Variants in FA2H observed in about 807,000 individuals in gnomAD.
FA2H encodes fatty acid alpha-hydroxylase.
Under a neutral mutation model 44.9 loss-of-function variants are expected in FA2H, and 22 were observed. The observed-to-expected ratio is 0.49, with a 90% CI of 0.35 to 0.70. FA2H has a LOEUF of 0.70. Ranked by LOEUF, FA2H falls within the 30% of genes least tolerant of loss-of-function variation. FA2H has a pLI of 0.01. For synonymous variants in FA2H, 243 were observed against 213.2 expected (o/e 1.14, Z -1.22); for missense variants, 501 against 504.9 (o/e 0.99, Z 0.07).
At chr16:74,741,925 G>A (rs1027507861) in intron 1 of FA2H, among the ~76,000 whole-genome samples, 2 of 148,754 alleles carry the variant, frequency 1.3e-5, no homozygotes, top group Non-Finnish European at 3.0e-5. Context: ...AGATTTTATA[G>A]CACATCATAC....
intron 2 of FA2H, among the ~76,000 whole-genome samples, chr16:74,739,400 C>A (rs1342051580): frequency 6.6e-6 from 1 of 152,152 alleles, no homozygotes; most frequent in Admixed American, 6.5e-5. Flanking sequence ...GCTGCTTCTC[C>A]CCTGCCGCTG....
At chr16:74,732,997 G>A (rs768027419) in intron 2 of FA2H, among the ~76,000 whole-genome samples, 19 of 152,176 alleles carry the variant, frequency 1.2e-4, no homozygotes, top group Non-Finnish European at 1.9e-4. Flanking sequence ...GGGTAGACCC[G>A]CAAGCACTGC....
rs1180561326 is a variant in FA2H at position 74,713,120 on chromosome 16, T to C, written c.*1070A>G. On this transcript the variant is annotated 3_prime_UTR_variant, in exon 7 of 7. Coordinates refer to ENST00000219368, the MANE Select transcript of FA2H (RefSeq NM_024306.5). ...ACTGCTTCTCTTTAGCCTTTACACT[T>C]GGCGAGTTTTTTAAGTTTCAAGTAG... 6.6e-6 allele frequency: 1 copy of C among 152,640 alleles called. No individual in the cohort carries two copies. The highest frequency in any genetic ancestry group is 6.5e-5 in the Admixed American group (1 of 15,274). The allele number at this position is 152,640 out of a possible 1,614,324, so 9.5% of individuals were successfully genotyped here.
At chr16:74,716,997 G>A (rs1961721020) in intron 5 of FA2H, 1 of 217,804 alleles carries the variant, frequency 4.6e-6, no homozygotes. Flanking sequence ...CTGGAGACAG[G>A]GCACCTAGAC....
intron 4 of FA2H, among the ~76,000 whole-genome samples, chr16:74,723,354 C>T (rs1567635653): frequency 6.6e-6 from 1 of 152,162 alleles, no homozygotes; most frequent in Non-Finnish European, 1.5e-5. Flanking sequence ...CCCCAGGGTC[C>T]AAACCTGGAC....
At chr16:74,738,015 A>T (rs1962215459) in intron 2 of FA2H, among the ~76,000 whole-genome samples, 1 of 152,196 alleles carries the variant, frequency 6.6e-6, no homozygotes, top group Non-Finnish European at 1.5e-5. Flanking sequence ...AAAAGAAAAA[A>T]GCAGAAAAGC....
Position 74,743,515 on chromosome 16 carries a change from T to A in FA2H, c.271-3400A>T, listed in dbSNP as rs537142826. On this transcript the variant is annotated intron_variant, in intron 1 of 6. Transcript: ENST00000219368. ...GTGGGTCATGCCTCGAGCGGCTCCA[T>A]CCCCCGCACAGAGGGGCCAGGGATT... Among the ~76,000 whole-genome samples the A allele has an allele frequency of 3.3e-5, 5 of 152,194 alleles. No individual in the cohort carries two copies. In the South Asian group the frequency reaches 1.0e-3, roughly 32 times the overall value.
intron 1 of FA2H, among the ~76,000 whole-genome samples, chr16:74,741,563 C>A (rs1043206852): frequency 6.6e-6 from 1 of 151,880 alleles, no homozygotes; most frequent in Non-Finnish European, 1.5e-5. Context: ...TGGGCCTAGG[C>A]CATCCTCCCA....
rs1171991918 is a variant in FA2H, at chr16:74,719,116, T to C, written c.658A>G (p.Met220Val). 1.9e-6 allele frequency: 3 copies of C among 1,613,892 alleles called. No individual in the cohort carries two copies. Among genetic ancestry groups the C allele is most frequent in the Non-Finnish European group, 2.5e-6 (3 of 1,180,020 alleles). ...AGGCTCCAGAGGAATGTCCCCAGCA[T>C]GAAGAGCCCGGGGAACATGGACTTG... ...VPKSMFPGLF[M>V]LGTFLWSLIE... The change falls in exon 5 of 7, where the codon ATG becomes GTG. Residue 220 changes from methionine to valine, a missense_variant. By Grantham distance (21) the Met-to-Val change is conservative (BLOSUM62 1). Coordinates refer to ENST00000219368, the MANE Select transcript of FA2H (RefSeq NM_024306.5).
At chr16:74,760,648 G>C (rs1252714313) in intron 1 of FA2H, among the ~76,000 whole-genome samples, 1 of 152,186 alleles carries the variant, frequency 6.6e-6, no homozygotes, top group African/African-American at 2.4e-5. Context: ...CGTCATCCTA[G>C]AAGACAAGTT....
chr16:74,719,483 G>A (rs1017293038), intron 4 of FA2H, among the ~76,000 whole-genome samples: 1 of 152,114 alleles, frequency 6.6e-6, no homozygotes, highest in African/African-American at 2.4e-5. Flanking sequence ...AAGGACATTG[G>A]AGAAGAGAAG....
intron 6 of FA2H, 138 bp downstream of exon 6, chr16:74,716,209 G>T: frequency 1.1e-6 from 1 of 902,218 alleles, no homozygotes; most frequent in Non-Finnish European, 1.7e-6. Context: ...GTCTGCACCA[G>T]GGAAGAGAGT....
At chr16:74,720,180 C>CTTTTTGTTTTTTTTT (rs1961802631) in intron 4 of FA2H, among the ~76,000 whole-genome samples, 1 of 47,198 alleles carries the variant, frequency 2.1e-5, no homozygotes, top group Non-Finnish European at 3.7e-5. Flanking sequence ...CATCCTCATC[C>CTTTTTGTTTTTTTTT]TTTTTTTTTT....
At chr16:74,769,721 G>T (rs561048681) in intron 1 of FA2H, among the ~76,000 whole-genome samples, 3 of 152,252 alleles carry the variant, frequency 2.0e-5, no homozygotes, top group African/African-American at 7.2e-5. Context: ...AATGCCGGTC[G>T]CAGCTCAATA....
chr16:74,720,201 TTTTTTTTTTTG>T, intron 4 of FA2H, among the ~76,000 whole-genome samples: 1 of 132,386 alleles, frequency 7.6e-6, no homozygotes, highest in South Asian at 2.7e-4. Flanking sequence ...TTTTTTTTTT[TTTTTTTTTTTG>T]TGAGATAGAG....
At position 74,715,815 on chromosome 16, in the gene FA2H, C is replaced by CT. The variant is rs536329308; in HGVS notation, c.1039+531dup. On this transcript the variant is annotated intron_variant, in intron 6 of 6. Coordinates refer to ENST00000219368, the MANE Select transcript of FA2H (RefSeq NM_024306.5). Reference sequence around the variant, plus strand: ...CTTGCTTTACTTTCTTCTTCTTCTTCTTTTTTTTTTTTTTTTTATAGACAG... The same window carrying CT: ...CTTGCTTTACTTTCTTCTTCTTCTTCTTTTTTTTTTTTTTTTTTATAGACAG... 8.7e-3 allele frequency among the ~76,000 whole-genome samples: 1,182 copies of CT among 136,350 alleles called. 8 individuals carry two copies. Among genetic ancestry groups the CT allele is most frequent in the African/African-American group, 0.017 (634 of 37,060 alleles). The allele number at this position is 136,350 out of a possible 152,430, so 89.5% of individuals were successfully genotyped here. A position where few individuals can be genotyped will look rare whatever the true frequency, so the allele number is the denominator to read the frequency against.
intron 1 of FA2H, among the ~76,000 whole-genome samples, chr16:74,752,787 T>C (rs1044173610): frequency 6.6e-6 from 1 of 152,128 alleles, no homozygotes; most frequent in Non-Finnish European, 1.5e-5. Flanking sequence ...AGCCTCACCT[T>C]TGGGGACTGT....
chr16:74,731,401 C>T, intron 2 of FA2H, among the ~76,000 whole-genome samples: 1 of 152,016 alleles, frequency 6.6e-6, no homozygotes, highest in East Asian at 1.9e-4. Flanking sequence ...GCTTCCACCT[C>T]CCAAAGTGCT....
intron 1 of FA2H, among the ~76,000 whole-genome samples, chr16:74,747,966 A>G (rs1033208088): frequency 6.6e-6 from 1 of 152,168 alleles, no homozygotes; most frequent in Non-Finnish European, 1.5e-5. Context: ...GAGGCATCCG[A>G]GGAGCCGTGG....
Sources: allele counts gnomAD v4.1 joint callset (sites outside exome capture counted in the v4.1 genomes callset), GRCh38; gene constraint gnomAD v4.1.1; transcripts MANE v1.5; gene names NCBI Gene and HGNC (gene_info 2026-07-23, HGNC 2026-07-21).